GNB4: variants seen among roughly 807,000 people sequenced by gnomAD.
GNB4 encodes the protein G protein subunit beta 4.
A neutral mutation model predicts 45.2 loss-of-function variants in GNB4; 28 were observed. The ratio of observed to expected loss-of-function variants is 0.62; its 90% CI spans 0.46 to 0.85. The LOEUF is 0.85. GNB4 is among the 40% of genes least tolerant of loss of function. The pLI is 0.00. For missense variants in GNB4, 321 were observed against 425.4 expected (o/e 0.75, Z 2.16); for synonymous variants, 132 against 143.7 (o/e 0.92, Z 0.58).
chr3:179,527,196 G>A, the GNB4 span, among the ~76,000 whole-genome samples: 1 of 152,142 alleles, frequency 6.6e-6, no homozygotes, highest in Non-Finnish European at 1.5e-5. Flanking sequence ...TGCCGGGAAG[G>A]AGGATTCTTA....
chr3:179,410,575 C>T (rs1334091667), intron 8 of GNB4: 1 of 152,186 alleles, frequency 6.6e-6, no homozygotes, highest in Non-Finnish European at 1.5e-5. Context: ...TCCCTCTATG[C>T]TTGCCTGTCT....
chr3:179,414,664 C>T (rs191616636), intron 6 of GNB4, among the ~76,000 whole-genome samples: 2 of 152,100 alleles, frequency 1.3e-5, no homozygotes, highest in Admixed American at 6.5e-5. Flanking sequence ...GTAAATTTAT[C>T]ATTTTTTACA....
chr3:179,441,600 A>ACAAT (rs1715594793), intron 1 of GNB4, among the ~76,000 whole-genome samples: 1 of 151,588 alleles, frequency 6.6e-6, no homozygotes, highest in South Asian at 2.1e-4. Context: ...AAACAAACAA[A>ACAAT]AATTAGCCAG....
rs1714205135 is a variant in GNB4 at position 179,399,031 on chromosome 3, T to C, written c.*2182A>G. ...ATACTCTCTTACATATTTAAGGTTATTTTTATGCATAATAGAATTGCTTTC... is the reference window on the plus strand; with the variant it reads ...ATACTCTCTTACATATTTAAGGTTACTTTTATGCATAATAGAATTGCTTTC... On this transcript the variant is annotated 3_prime_UTR_variant, in exon 10 of 10. Transcript: ENST00000232564. 6.6e-6 allele frequency: 1 copy of C among 152,192 alleles called. No individual in the cohort carries two copies. Among genetic ancestry groups the C allele is most frequent in the South Asian group, 2.1e-4 (1 of 4,812 alleles). 9.4% of individuals were successfully genotyped at this position (152,192 alleles called of 1,614,324 possible). A position where few individuals can be genotyped will look rare whatever the true frequency, so the allele number is the denominator to read the frequency against.
At chr3:179,475,284 A>AT in the GNB4 span, among the ~76,000 whole-genome samples, 2 of 150,956 alleles carry the variant, frequency 1.3e-5, no homozygotes, top group African/African-American at 2.4e-5. Flanking sequence ...TGCCTGGCTA[A>AT]TTTTTTGTAT....
intron 1 of GNB4, among the ~76,000 whole-genome samples, chr3:179,438,379 A>C (rs902343208): frequency 1.3e-5 from 2 of 152,170 alleles, no homozygotes; most frequent in Non-Finnish European, 2.9e-5. Flanking sequence ...CTAAGTCTCC[A>C]TTCCTTCATC....
At chr3:179,465,800 TTCTTCTTCTTCTTC>T in the GNB4 span, among the ~76,000 whole-genome samples, 1 of 133,602 alleles carries the variant, frequency 7.5e-6, no homozygotes, top group Non-Finnish European at 1.5e-5. Context: ...AATTTTTTTC[TTCTTCTTCTTCTTC>T]TTCTTCTTCT....
chr3:179,418,021 T>G (rs1714853313), intron 4 of GNB4, among the ~76,000 whole-genome samples: 1 of 152,184 alleles, frequency 6.6e-6, no homozygotes, highest in East Asian at 1.9e-4. Context: ...TCCTGGATGA[T>G]GGTTTCATTT....
chr3:179,465,295 G>A, the GNB4 span: 1 of 1,480,622 alleles, frequency 6.8e-7, no homozygotes, highest in Middle Eastern at 1.8e-4. Context: ...CCATGACAGT[G>A]GCAATGCTAA....
chr3:179,407,360 G>A (rs1007321657), intron 8 of GNB4, among the ~76,000 whole-genome samples: 1 of 152,210 alleles, frequency 6.6e-6, no homozygotes, highest in African/African-American at 2.4e-5. Context: ...CTGGGAGGCT[G>A]AGGCAGGAGA....
At chr3:179,510,296 CTG>C in the GNB4 span, among the ~76,000 whole-genome samples, 13 of 152,166 alleles carry the variant, frequency 8.5e-5, no homozygotes, top group African/African-American at 3.1e-4. Context: ...ATTTGCAATC[CTG>C]GCTTTAAGAT....
chr3:179,459,695 A>G, the GNB4 span, among the ~76,000 whole-genome samples: 2 of 149,238 alleles, frequency 1.3e-5, no homozygotes, highest in Admixed American at 6.7e-5. Context: ...CAAAAAAAAG[A>G]AAAAAAAAAG....
At chr3:179,418,191 G>A (rs1306061840) in intron 4 of GNB4, among the ~76,000 whole-genome samples, 2 of 152,088 alleles carry the variant, frequency 1.3e-5, no homozygotes, top group East Asian at 3.8e-4. Flanking sequence ...CATTCGGCCA[G>A]GCGCGGTGGC....
chr3:179,461,171 C>T, the GNB4 span, among the ~76,000 whole-genome samples: 3 of 152,120 alleles, frequency 2.0e-5, no homozygotes, highest in African/African-American at 7.2e-5. Flanking sequence ...GCCACCTTAG[C>T]GACTGGACAT....
intron 8 of GNB4, among the ~76,000 whole-genome samples, chr3:179,407,945 G>C (rs1714524676): frequency 1.3e-5 from 2 of 152,102 alleles, no homozygotes; most frequent in Admixed American, 1.3e-4. Context: ...CACCAGTGGG[G>C]CAAAATTAAG....
chr3:179,457,838 G>C, the GNB4 span, among the ~76,000 whole-genome samples: 1 of 152,000 alleles, frequency 6.6e-6, no homozygotes, highest in African/African-American at 2.4e-5. Flanking sequence ...TTCACTTCGA[G>C]GTAGTAACAT....
intron 8 of GNB4, among the ~76,000 whole-genome samples, chr3:179,411,372 G>A (rs1714646013): frequency 6.6e-6 from 1 of 150,542 alleles, no homozygotes; most frequent in Admixed American, 6.6e-5. Flanking sequence ...AAGGAAAACT[G>A]TTATATATAC....
chr3:179,485,586 T>G, the GNB4 span, among the ~76,000 whole-genome samples: 2 of 152,188 alleles, frequency 1.3e-5, no homozygotes, highest in Admixed American at 1.3e-4. Context: ...CTTTGACCAG[T>G]ACTAGGTGGA....
At chr3:179,440,473 A>G (rs1398487859) in intron 1 of GNB4, among the ~76,000 whole-genome samples, 1 of 152,216 alleles carries the variant, frequency 6.6e-6, no homozygotes, top group Non-Finnish European at 1.5e-5. Context: ...GGAATTAAAA[A>G]GGGACTTAGA....
Sources: gnomAD v4.1 joint callset for allele counts (sites outside exome capture counted in the v4.1 genomes callset) on GRCh38, gnomAD v4.1.1 for gene constraint, MANE v1.5 for transcripts, NCBI Gene and HGNC (gene_info 2026-07-23, HGNC 2026-07-21) for gene names.